RASA2: variants seen among roughly 807,000 people sequenced by gnomAD.
RASA2 encodes the protein ras GTPase-activating protein 2.
In RASA2, 155 loss-of-function variants were observed where a neutral mutation model predicts 118.2. The ratio of observed to expected loss-of-function variants is 1.31; its 90% CI spans 1.15 to 1.50. The LOEUF (loss-of-function observed/expected upper bound fraction) is 1.50. Ranked by LOEUF, RASA2 falls within the 40% of genes most tolerant of loss-of-function variation. The pLI, the probability that RASA2 is intolerant of heterozygous loss-of-function variation, is 0.00. For synonymous variants in RASA2, 353 were observed against 349.1 expected, an observed-to-expected ratio of 1.01 and a Z score of -0.12; for missense variants, 1,016 against 1,009.6, an observed-to-expected ratio of 1.01 and a Z score of -0.09.
chr3:141,601,288 A>G (rs113289568), intron 19 of RASA2, among the ~76,000 whole-genome samples: 3,228 of 152,210 alleles, frequency 0.021, 57 homozygotes, highest in Middle Eastern at 0.044. Context: ...TTAGCTGTGC[A>G]TGGTGGCCCA....
At chr3:141,576,930 ATT>A in intron 14 of RASA2, 68 bp from the exon 15 acceptor site, 1 of 1,049,164 alleles carries the variant, frequency 9.5e-7, no homozygotes, top group Non-Finnish European at 1.4e-6. Context: ...TCTTTTCTAT[ATT>A]TTTTAATTTA....
chr3:141,581,753 G>A (rs2083117424), intron 17 of RASA2, among the ~76,000 whole-genome samples: 2 of 152,070 alleles, frequency 1.3e-5, no homozygotes, highest in East Asian at 3.8e-4. Context: ...ATTTATGGTA[G>A]TAACCTGAGG....
intron 4 of RASA2, among the ~76,000 whole-genome samples, chr3:141,530,306 G>A (rs1344186112): frequency 2.6e-5 from 4 of 152,176 alleles, no homozygotes; most frequent in Non-Finnish European, 5.9e-5. Context: ...TTATTTGAAA[G>A]AGTATCATTA....
rs139047631 is a variant in RASA2 at position 141,571,936 on chromosome 3, G to A, written c.1169+382G>A. On this transcript the variant is annotated intron_variant, in intron 11 of 23. Coordinates refer to ENST00000286364, the MANE Select transcript of RASA2 (RefSeq NM_006506.5). ...AGCAGTCAAGTGACTTCTCATTCAC[G>A]TCATAGTCTAACACTGTTGTTTTTT... Among the ~76,000 whole-genome samples the A allele has an allele frequency of 2.3e-3, 340 of 150,290 alleles. 3 individuals are homozygous for A. Among genetic ancestry groups the A allele is most frequent in the African/African-American group, 7.8e-3 (319 of 40,880 alleles).
At chr3:141,610,341 ATATATATTTATATTTATATAT>A (rs67538579) in intron 23 of RASA2, among the ~76,000 whole-genome samples, 8 of 130,546 alleles carry the variant, frequency 6.1e-5, no homozygotes, top group Admixed American at 1.8e-4. Flanking sequence ...TATATATTTT[ATATATATTTATATTTATATAT>A]TATATATTTA....
chr3:141,533,820 C>G (rs189740835), intron 4 of RASA2, among the ~76,000 whole-genome samples: 138 of 152,040 alleles, frequency 9.1e-4, no homozygotes, highest in African/African-American at 3.2e-3. Flanking sequence ...TTTCCTCAAC[C>G]TATTCTAATC....
At chr3:141,574,718 C>T (rs1168824217) in intron 14 of RASA2, among the ~76,000 whole-genome samples, 3 of 152,180 alleles carry the variant, frequency 2.0e-5, no homozygotes, top group Non-Finnish European at 4.4e-5. Flanking sequence ...GTTAAAAATA[C>T]CTTTGTTATT....
At chr3:141,563,892 A>G (rs1434262898) in intron 9 of RASA2, among the ~76,000 whole-genome samples, 1 of 152,162 alleles carries the variant, frequency 6.6e-6, no homozygotes, top group East Asian at 1.9e-4. Flanking sequence ...ATTATATAAA[A>G]GAGAATCAGA....
intron 6 of RASA2, 93 bp downstream of exon 6, chr3:141,554,033 C>T: frequency 6.8e-7 from 1 of 1,480,520 alleles, no homozygotes; most frequent in South Asian, 1.4e-5. Context: ...TGATAAATAG[C>T]TATTTATAAC....
chr3:141,546,628 A>T (rs1184722097), intron 5 of RASA2, among the ~76,000 whole-genome samples: 2 of 152,222 alleles, frequency 1.3e-5, no homozygotes, highest in East Asian at 3.9e-4. Flanking sequence ...ATATTCTCCC[A>T]TTCTGTGGGT....
rs1290038358 is a variant in RASA2, at chr3:141,487,095, G to A, written c.12G>A (p.Ala4=). 1.6e-5 allele frequency: 22 copies of A among 1,378,668 alleles called. No homozygotes were observed. The highest frequency in any genetic ancestry group is 1.7e-5 in the Non-Finnish European group (18 of 1,053,194). 85.4% of individuals were successfully genotyped at this position (1,378,668 alleles called of 1,614,324 possible). The part of the protein sequence containing the change: MAA[A]APAAAAASSE... ...GGCCGGGCGGCACCATGGCGGCGGC[G>A]GCGCCTGCTGCTGCGGCGGCTTCTT... is the stretch of plus-strand genomic sequence containing the variant. Residue 4 remains alanine, a synonymous_variant, in exon 1 of 24, where the codon GCG becomes GCA. Transcript: ENST00000286364.
intron 21 of RASA2, 145 bp downstream of exon 21, chr3:141,608,842 G>A (rs1044230308): frequency 2.5e-5 from 22 of 890,612 alleles, no homozygotes; most frequent in Middle Eastern, 3.2e-4. Context: ...CTAAGTGAAA[G>A]AAGTCAATCA....
chr3:141,498,360 C>G (rs2081732840), intron 1 of RASA2, among the ~76,000 whole-genome samples: 1 of 150,802 alleles, frequency 6.6e-6, no homozygotes, highest in African/African-American at 2.5e-5. Flanking sequence ...TTGATGAATA[C>G]ATTTATGTTG....
chr3:141,612,434 C>T lies in RASA2; in HGVS notation c.*121C>T. Reference sequence around the variant, plus strand: ...CATCCGCTTCAATGTCATCTGCCTCCACATTGTATTTAATATTTAATAATT... The same window carrying T: ...CATCCGCTTCAATGTCATCTGCCTCTACATTGTATTTAATATTTAATAATT... On this transcript the variant is annotated 3_prime_UTR_variant, in exon 24 of 24. Transcript: ENST00000286364. 1 of 713,540 alleles carries T rather than the reference C, an allele frequency of 1.4e-6. No individual in the cohort carries two copies. Among genetic ancestry groups the T allele is most frequent in the East Asian group, 2.9e-5 (1 of 34,560 alleles). 44.2% of individuals were successfully genotyped at this position (713,540 alleles called of 1,614,324 possible).
intron 4 of RASA2, among the ~76,000 whole-genome samples, chr3:141,537,772 GA>G (rs568552605): frequency 3.3e-5 from 5 of 150,542 alleles, no homozygotes; most frequent in Non-Finnish European, 5.9e-5. Flanking sequence ...CTGTCTCAAA[GA>G]AAAAAAAAGC....
At chr3:141,591,580 C>T (rs140313623) in intron 19 of RASA2, among the ~76,000 whole-genome samples, 6 of 152,300 alleles carry the variant, frequency 3.9e-5, no homozygotes, top group African/African-American at 1.2e-4. Context: ...ATCTGAATTA[C>T]GTTACGAACT....
chr3:141,584,120 C>A (rs755377492), intron 17 of RASA2, among the ~76,000 whole-genome samples: 8 of 151,966 alleles, frequency 5.3e-5, no homozygotes, highest in Non-Finnish European at 1.2e-4. Context: ...ATCACAAGAT[C>A]AGGAGTTCAA....
At chr3:141,553,461 G>A (rs2082603422) in intron 5 of RASA2, among the ~76,000 whole-genome samples, 2 of 150,910 alleles carry the variant, frequency 1.3e-5, no homozygotes, top group Non-Finnish European at 3.0e-5. Flanking sequence ...ATATATACTT[G>A]CCCATTAAGC....
chr3:141,504,301 C>T (rs2081830036), intron 1 of RASA2, among the ~76,000 whole-genome samples: 1 of 152,164 alleles, frequency 6.6e-6, no homozygotes, highest in Non-Finnish European at 1.5e-5. Context: ...TGATGATTCT[C>T]AAATTTTTTC....
Sources: gnomAD v4.1 joint callset for allele counts (sites outside exome capture counted in the v4.1 genomes callset) on GRCh38, gnomAD v4.1.1 for gene constraint, MANE v1.5 for transcripts, NCBI Gene and HGNC (gene_info 2026-07-23, HGNC 2026-07-21) for gene names.